ASMTL: variants seen among roughly 807,000 people sequenced by gnomAD.
The protein encoded by ASMTL is acetylserotonin O-methyltransferase like, also known as probable bifunctional dTTP/UTP pyrophosphatase/methyltransferase protein.
ASMTL carries 57 observed loss-of-function variants against 60.3 expected under a neutral mutation model. The ratio of observed to expected loss-of-function variants is 0.95; its 90% CI spans 0.76 to 1.18. The LOEUF is 1.18. Among genes scored for constraint, ASMTL ranks in the 50% most tolerant of loss-of-function variants. ASMTL has a pLI of 0.00. For synonymous variants in ASMTL, 419 were observed against 373.0 expected (o/e 1.12, Z -1.42); for missense variants, 981 against 852.6 (o/e 1.15, Z -1.88).
intron 3 of ASMTL, among the ~76,000 whole-genome samples, chrX:1,437,297 C>G (rs1215340116): frequency 6.6e-6 from 1 of 151,448 alleles, no homozygotes; most frequent in African/African-American, 2.4e-5. Flanking sequence ...GTGTCCTTAT[C>G]TGCTCTTCTT....
At chrX:1,417,719 CAG>C (rs2090344069) in intron 11 of ASMTL, among the ~76,000 whole-genome samples, 1 of 20,696 alleles carries the variant, frequency 4.8e-5, no homozygotes, top group Non-Finnish European at 3.9e-4. Context: ...CATGCGGATG[CAG>C]ACACACACAC....
At position 1,412,307 on chromosome X, in the gene ASMTL, A is replaced by C. The variant is rs1167754313; in HGVS notation, c.1645+425T>G. Among the ~76,000 whole-genome samples the C allele has an allele frequency of 3.3e-5, 5 of 152,090 alleles. No individual in the cohort carries two copies. In the East Asian group the frequency reaches 7.8e-4, roughly 24 times the overall value. ...CAGTGGCGCGATCTCGGCTCACTGCAGTCTCCAGCTCCCGGGTTCAAGTGA... is the reference window on the plus strand; with the variant it reads ...CAGTGGCGCGATCTCGGCTCACTGCCGTCTCCAGCTCCCGGGTTCAAGTGA... On this transcript the variant is annotated intron_variant, in intron 12 of 12. Transcript: ENST00000381317.
chrX:1,452,872 T>A lies in ASMTL; in HGVS notation c.-32A>T. 1 of 1,489,470 alleles carries A rather than the reference T, an allele frequency of 6.7e-7. No individual in the cohort carries two copies. Among genetic ancestry groups the A allele is most frequent in the Non-Finnish European group, 8.9e-7 (1 of 1,118,134 alleles). 92.3% of individuals were successfully genotyped at this position (1,489,470 alleles called of 1,614,324 possible). A position where few individuals can be genotyped will look rare whatever the true frequency, so the allele number is the denominator to read the frequency against. The stretch of plus-strand genomic sequence containing the variant: ...CACGCCGGGAGCCGGGCGTCCGCAC[T>A]TCTGAGCCCGGAGCCCGCGGTGCGC... On this transcript the variant is annotated 5_prime_UTR_variant, in exon 1 of 13. The change creates a new upstream start codon in the 5' untranslated region. Coordinates refer to ENST00000381317, the MANE Select transcript of ASMTL (RefSeq NM_004192.4).
intron 11 of ASMTL, chrX:1,413,150 C>T (rs1299764789): frequency 1.7e-5 from 7 of 402,546 alleles, no homozygotes; most frequent in Non-Finnish European, 2.8e-5. Context: ...ATTGTCTGAG[C>T]TCAGGAGTTC....
chrX:1,416,448 T>G (rs1414087509), intron 11 of ASMTL, among the ~76,000 whole-genome samples: 1 of 97,690 alleles, frequency 1.0e-5, no homozygotes, highest in Non-Finnish European at 2.1e-5. Flanking sequence ...AACATAGACA[T>G]GCACAGATGG....
At chrX:1,414,665 G>C (rs111526990) in intron 11 of ASMTL, among the ~76,000 whole-genome samples, 1 of 152,046 alleles carries the variant, frequency 6.6e-6, no homozygotes, top group African/African-American at 2.4e-5. Context: ...CTAAGATCAC[G>C]CCACTGCACT....
rs1373299987 is a variant in ASMTL, at chrX:1,403,680, GAGA to G, written c.1646-194_1646-192del. On this transcript the variant is annotated intron_variant, in intron 12 of 12. Transcript: ENST00000381317. ...ACTTGATGCAGGGCGGACAGACAGG[GAGA>G]AGGAGATTTGATCGAAAGATGGATG... 2.3e-5 allele frequency: 14 copies of G among 606,466 alleles called. No homozygotes were observed. The East Asian group carries it at 2.7e-4, about 12-fold the overall frequency. 37.6% of individuals were successfully genotyped at this position (606,466 alleles called of 1,614,324 possible).
At chrX:1,447,187 A>G (rs188105766) in intron 1 of ASMTL, among the ~76,000 whole-genome samples, 64 of 152,348 alleles carry the variant, frequency 4.2e-4, no homozygotes, top group Middle Eastern at 3.4e-3. Flanking sequence ...CTCCCTCAGC[A>G]GGAAGTGGCC....
At chrX:1,452,979 C>T, upstream of ASMTL, 1 of 645,270 alleles carries the variant, frequency 1.5e-6, no homozygotes, top group Non-Finnish European at 2.5e-6. Flanking sequence ...CGAGGCCACG[C>T]CCAGTCCGCG....
intron 6 of ASMTL, chrX:1,431,920 T>G: frequency 7.1e-6 from 2 of 280,276 alleles, no homozygotes; most frequent in Non-Finnish European, 1.3e-5. Flanking sequence ...GATCACAGAG[T>G]TTATTCGTGT....
chrX:1,421,621 G>C, intron 9 of ASMTL, 37 bp downstream of exon 9: 1 of 1,611,202 alleles, frequency 6.2e-7, no homozygotes, highest in Non-Finnish European at 8.5e-7. Context: ...CAAAATGCAC[G>C]CTAGACGGAA....
At position 1,418,966 on chromosome X, in the gene ASMTL, C is replaced by CG. The variant is rs201439409; in HGVS notation, c.1378+15dup. The CG allele has an allele frequency of 5.9e-3, 9,470 of 1,611,108 alleles. 492 individuals are homozygous for CG. The African/African-American group carries it at 0.11, about 19-fold the overall frequency. The stretch of plus-strand genomic sequence containing the variant: ...TAAACGAAAGTAAGGAGAGCCCTGG[C>CG]GGGGGGGCCACCCACCTCCCACGTC... On this transcript the variant is annotated intron_variant, in intron 10 of 12. Coordinates refer to ENST00000381317, the MANE Select transcript of ASMTL (RefSeq NM_004192.4).
At chrX:1,445,524 A>G (rs1263772271) in intron 1 of ASMTL, among the ~76,000 whole-genome samples, 2 of 152,086 alleles carry the variant, frequency 1.3e-5, no homozygotes, top group African/African-American at 4.8e-5. Flanking sequence ...AGGGACCTTG[A>G]CAACTTTATC....
In ASMTL at chrX:1,421,711, C is replaced by T; in HGVS notation, c.1192G>A (p.Gly398Arg). The change falls in exon 9 of 13, where the codon GGA (glycine) becomes AGA (arginine). Residue 398 changes from glycine to arginine, a missense_variant. Transcript: ENST00000381317. ...AACGCCCTGTGGTGCTGGTTTGTTC[C>T]CTCTCGGATGGCAAACTCCAGGTAT... is the stretch of plus-strand genomic sequence containing the variant. ...FTYLEFAIRE[G>R]TNQHHRALGK... 3 of 1,613,884 alleles carry T rather than the reference C, an allele frequency of 1.9e-6. No homozygotes were observed. Among genetic ancestry groups the T allele is most frequent in the Non-Finnish European group, 2.5e-6 (3 of 1,179,838 alleles).
At chrX:1,428,217 A>T in intron 6 of ASMTL, 96 bp from the exon 7 acceptor site, 1 of 1,446,292 alleles carries the variant, frequency 6.9e-7, no homozygotes, top group Non-Finnish European at 9.3e-7. Context: ...GTGGATCACG[A>T]GGTCGGGAGA....
At chrX:1,433,491 C>T (rs1215772068) in intron 5 of ASMTL, among the ~76,000 whole-genome samples, 4 of 138,988 alleles carry the variant, frequency 2.9e-5, no homozygotes, top group South Asian at 2.5e-4. Flanking sequence ...CGGTGAAACC[C>T]CGTCTCTACT....
chrX:1,416,751 A>G (rs1416433632), intron 11 of ASMTL, among the ~76,000 whole-genome samples: 1 of 129,128 alleles, frequency 7.7e-6, no homozygotes, highest in African/African-American at 2.9e-5. Flanking sequence ...TCAGTCATGC[A>G]CACACAGACA....
intron 9 of ASMTL, among the ~76,000 whole-genome samples, chrX:1,420,811 TCAGA>T (rs1487962469): frequency 2.6e-5 from 4 of 152,178 alleles, no homozygotes; most frequent in Non-Finnish European, 4.4e-5. Flanking sequence ...TTTCTATTTT[TCAGA>T]CAGAGTCTTG....
At position 1,419,034 on chromosome X, in the gene ASMTL, C is replaced by T; in HGVS notation, c.1326G>A (p.Gln442=). 1 of 1,611,734 alleles carries T rather than the reference C, an allele frequency of 6.2e-7. No homozygotes were observed. Among genetic ancestry groups the T allele is most frequent in the South Asian group, 1.1e-5 (1 of 90,948 alleles). Residue 442 remains glutamine, a synonymous_variant, in exon 10 of 13, where the codon CAG becomes CAA. Transcript: ENST00000381317. ...GGGACAGATTGAAGGCCGTGGCCAC[C>T]TGGCACGCAGTCAGCTTCGTCATGC... The part of the protein sequence containing the change: ...MHGMTKLTAC[Q]VATAFNLSRF...
Sources: allele counts gnomAD v4.1 joint callset (sites outside exome capture counted in the v4.1 genomes callset), GRCh38; gene constraint gnomAD v4.1.1; transcripts MANE v1.5; gene names NCBI Gene and HGNC (gene_info 2026-07-23, HGNC 2026-07-21).